Variants in LYRM7 observed in about 807,000 individuals in gnomAD.
LYRM7 encodes LYR motif containing 7.
Under a neutral mutation model 15.8 loss-of-function variants are expected in LYRM7, and 9 were observed. That is an observed-to-expected ratio of 0.57 (90% confidence interval 0.34 to 0.99). The LOEUF is 0.99. LYRM7 is among the 50% of genes least tolerant of loss of function. The pLI, the probability that LYRM7 is intolerant of heterozygous loss-of-function variation, is 0.02. For synonymous variants in LYRM7, 39 were observed against 39.4 expected, an observed-to-expected ratio of 0.99 and a Z score of 0.04; for missense variants, 115 against 119.1, an observed-to-expected ratio of 0.97 and a Z score of 0.16.
At chr5:131,187,236 T>C in intron 4 of LYRM7, 127 bp downstream of exon 4, 1 of 541,620 alleles carries the variant, frequency 1.8e-6, no homozygotes, top group Non-Finnish European at 3.3e-6. Context: ...ATATAGCATA[T>C]ATATTTTACA....
chr5:131,181,302 A>AAAAAAATATATATATATATATAT (rs1554089865), intron 2 of LYRM7, among the ~76,000 whole-genome samples: 1 of 8,774 alleles, frequency 1.1e-4, no homozygotes, highest in Non-Finnish European at 3.3e-4. Context: ...AAAAAAAAAA[A>AAAAAAATATATATATATATATAT]ATATATATAT....
At chr5:131,184,645 G>GGA (rs199772606) in intron 3 of LYRM7, among the ~76,000 whole-genome samples, 258 of 145,250 alleles carry the variant, frequency 1.8e-3, no homozygotes, top group South Asian at 4.2e-3. Context: ...TTTGGCGGGG[G>GGA]GGGGGTTCCA....
At chr5:131,171,959 G>A (rs1755529768) in intron 1 of LYRM7, among the ~76,000 whole-genome samples, 1 of 152,190 alleles carries the variant, frequency 6.6e-6, no homozygotes, top group Non-Finnish European at 1.5e-5. Context: ...AGCCTATATT[G>A]TCTAAGCATA....
At chr5:131,175,095 T>A (rs773647756) in intron 1 of LYRM7, among the ~76,000 whole-genome samples, 1 of 152,142 alleles carries the variant, frequency 6.6e-6, no homozygotes, top group African/African-American at 2.4e-5. Flanking sequence ...CTTTGTTGAT[T>A]TGTAGAGCAC....
chr5:131,181,275 GAAAAAAA>G (rs1195878324), intron 2 of LYRM7, among the ~76,000 whole-genome samples: 10 of 8,334 alleles, frequency 1.2e-3, no homozygotes, highest in African/African-American at 1.8e-3. Flanking sequence ...GACTCCATCT[GAAAAAAA>G]AAAAAAAAAA....
At chr5:131,175,841 C>A in intron 1 of LYRM7, among the ~76,000 whole-genome samples, 1 of 152,122 alleles carries the variant, frequency 6.6e-6, no homozygotes, top group East Asian at 1.9e-4. Flanking sequence ...TCACTGCAAC[C>A]TCCACCTCCC....
At chr5:131,186,692 A>T (rs1755799204) in intron 3 of LYRM7, among the ~76,000 whole-genome samples, 1 of 152,234 alleles carries the variant, frequency 6.6e-6, no homozygotes, top group African/African-American at 2.4e-5. Context: ...GATAACCGAG[A>T]TGGCTACTAA....
At chr5:131,171,988 T>A (rs987367623) in intron 1 of LYRM7, among the ~76,000 whole-genome samples, 4 of 152,238 alleles carry the variant, frequency 2.6e-5, no homozygotes, top group African/African-American at 9.6e-5. Context: ...AACAATAAGC[T>A]GAACATCCTT....
chr5:131,201,980 T>C lies in LYRM7; in HGVS notation c.*2379T>C, dbSNP rs1052966065. ...TCCCAAATAGCTGAGACTAGAGGTA[T>C]GCGCCACCACACCTAGCTATTTTTT... On this transcript the variant is annotated 3_prime_UTR_variant, in exon 5 of 5. Transcript: ENST00000379380. 1.3e-5 allele frequency: 2 copies of C among 152,000 alleles called. No homozygotes were observed. Among genetic ancestry groups the C allele is most frequent in the Admixed American group, 1.3e-4 (2 of 15,242 alleles). 9.4% of individuals were successfully genotyped at this position (152,000 alleles called of 1,614,324 possible).
chr5:131,179,090 T>C (rs866252353), intron 1 of LYRM7, among the ~76,000 whole-genome samples: 1 of 152,174 alleles, frequency 6.6e-6, no homozygotes, highest in East Asian at 1.9e-4. Flanking sequence ...TGTATGATAT[T>C]GAGCAGATTA....
chr5:131,175,278 C>A (rs1755583400), intron 1 of LYRM7, among the ~76,000 whole-genome samples: 1 of 151,044 alleles, frequency 6.6e-6, no homozygotes, highest in Non-Finnish European at 1.5e-5. Context: ...CGGCTCACCA[C>A]AACCCCTGCC....
intron 2 of LYRM7, among the ~76,000 whole-genome samples, chr5:131,181,465 G>GTA (rs1259533313): frequency 1.2e-4 from 15 of 123,458 alleles, no homozygotes; most frequent in Admixed American, 2.8e-4. Flanking sequence ...ACATATATAT[G>GTA]TATATATATA....
chr5:131,185,047 C>T (rs1428822236), intron 3 of LYRM7, among the ~76,000 whole-genome samples: 3 of 152,088 alleles, frequency 2.0e-5, no homozygotes, highest in Non-Finnish European at 2.9e-5. Context: ...TAATTATCTC[C>T]GAGTCCAAGC....
chr5:131,174,042 T>G (rs1372911861), intron 1 of LYRM7, among the ~76,000 whole-genome samples: 2 of 152,238 alleles, frequency 1.3e-5, no homozygotes, highest in South Asian at 2.1e-4. Context: ...TTACCCACAG[T>G]AGAGCATCTT....
rs906224468 is a variant in LYRM7, at chr5:131,203,386, A to T, written c.*3785A>T. The T allele has an allele frequency of 5.3e-5, 8 of 152,248 alleles. No homozygotes were observed. The highest frequency in any genetic ancestry group is 1.9e-4 in the African/African-American group (8 of 41,468). 9.4% of individuals were successfully genotyped at this position (152,248 alleles called of 1,614,324 possible). A position where few individuals can be genotyped will look rare whatever the true frequency, so the allele number is the denominator to read the frequency against. On this transcript the variant is annotated 3_prime_UTR_variant, in exon 5 of 5. Transcript: ENST00000379380. ...GATAGGACAATTGAAAATTCTGGAGATGACAGTTTTTCAAAAATCTATTGA... is the reference window on the plus strand; with the variant it reads ...GATAGGACAATTGAAAATTCTGGAGTTGACAGTTTTTCAAAAATCTATTGA...
chr5:131,194,181 G>T (rs1232313381), intron 4 of LYRM7, among the ~76,000 whole-genome samples: 5 of 152,106 alleles, frequency 3.3e-5, no homozygotes, highest in Non-Finnish European at 7.3e-5. Flanking sequence ...ATCTAATGTG[G>T]AAAGCAAAGT....
At chr5:131,194,546 A>G (rs1005965416) in intron 4 of LYRM7, among the ~76,000 whole-genome samples, 1 of 152,184 alleles carries the variant, frequency 6.6e-6, no homozygotes, top group Non-Finnish European at 1.5e-5. Flanking sequence ...GGTGAAGCAC[A>G]CTCACTTGTA....
At chr5:131,186,229 C>T (rs1224389322) in intron 3 of LYRM7, among the ~76,000 whole-genome samples, 1 of 152,156 alleles carries the variant, frequency 6.6e-6, no homozygotes, top group African/African-American at 2.4e-5. Context: ...ATGACACAGC[C>T]AAAGTTGGAG....
At chr5:131,176,456 G>T (rs1396763245) in intron 1 of LYRM7, among the ~76,000 whole-genome samples, 1 of 149,572 alleles carries the variant, frequency 6.7e-6, no homozygotes, top group African/African-American at 2.4e-5. Flanking sequence ...TTGAGGTTTA[G>T]ATTTGTGTTT....
Sources: allele counts gnomAD v4.1 joint callset (sites outside exome capture counted in the v4.1 genomes callset), GRCh38; gene constraint gnomAD v4.1.1; transcripts MANE v1.5; gene names NCBI Gene and HGNC (gene_info 2026-07-23, HGNC 2026-07-21).